The following ERG variants were observed in gnomAD, a reference collection of about 807,000 sequenced individuals.
ERG encodes transcriptional regulator ERG.
In ERG, 9 loss-of-function variants were observed where a neutral mutation model predicts 55.3. The observed-to-expected ratio is 0.16, with a 90% confidence interval of 0.10 to 0.28. The LOEUF is 0.28. Ranked by LOEUF, ERG falls within the 10% of genes least tolerant of loss-of-function variation. The pLI, the probability that ERG is intolerant of heterozygous loss-of-function variation, is 1.00. For synonymous variants in ERG, 223 were observed against 237.3 expected, an observed-to-expected ratio of 0.94 and a Z score of 0.55; for missense variants, 434 against 631.6, an observed-to-expected ratio of 0.69 and a Z score of 3.35.
chr21:38,392,256 G>A (rs1224937046), intron 7 of ERG, 120 bp downstream of exon 7: 1 of 854,492 alleles, frequency 1.2e-6, no homozygotes, highest in Non-Finnish European at 1.9e-6. Flanking sequence ...GTCGTCAATG[G>A]AACAAACCCA....
At chr21:38,557,591 A>G (rs1015150471) in intron 2 of ERG, among the ~76,000 whole-genome samples, 4 of 152,208 alleles carry the variant, frequency 2.6e-5, no homozygotes, top group African/African-American at 9.6e-5. Flanking sequence ...GTTTTTTTAA[A>G]AGGTTAAGTT....
chr21:38,367,726 C>A, the ERG span: 1 of 473,074 alleles, frequency 2.1e-6, no homozygotes, highest in East Asian at 4.8e-5. Flanking sequence ...TAGAACAAGA[C>A]AGAATTCTGC....
At chr21:38,653,171 G>T (rs2060498405) in intron 1 of ERG, among the ~76,000 whole-genome samples, 3 of 152,156 alleles carry the variant, frequency 2.0e-5, no homozygotes, top group Admixed American at 6.5e-5. Flanking sequence ...ATAGCATGCG[G>T]ATTCATCCTC....
chr21:38,474,887 G>A (rs1210016421), intron 1 of ERG, among the ~76,000 whole-genome samples: 2 of 152,116 alleles, frequency 1.3e-5, no homozygotes, highest in Non-Finnish European at 2.9e-5. Context: ...GACAATATAG[G>A]ACCTTCCTGA....
chr21:38,443,843 C>T (rs374797722), intron 2 of ERG, among the ~76,000 whole-genome samples: 34 of 151,820 alleles, frequency 2.2e-4, no homozygotes, highest in African/African-American at 5.8e-4. Context: ...GCATTTTCTA[C>T]CCAGGTCCTT....
intron 1 of ERG, among the ~76,000 whole-genome samples, chr21:38,595,044 C>T (rs758839727): frequency 1.3e-5 from 2 of 152,088 alleles, no homozygotes; most frequent in Non-Finnish European, 2.9e-5. Context: ...AGCAGGAGAG[C>T]CCGAGGCAAG....
At chr21:38,468,516 G>A (rs1158173125) in intron 1 of ERG, among the ~76,000 whole-genome samples, 1 of 152,092 alleles carries the variant, frequency 6.6e-6, no homozygotes, top group Non-Finnish European at 1.5e-5. Context: ...TGGAAGATCT[G>A]GATGCTCCAT....
upstream of ERG, among the ~76,000 whole-genome samples, chr21:38,588,331 A>C (rs1770845743): frequency 6.6e-6 from 1 of 151,344 alleles, no homozygotes; most frequent in South Asian, 2.1e-4. Flanking sequence ...CACCACCACC[A>C]CCCTCCAAGC....
chr21:38,413,413 C>T (rs1989145778), intron 3 of ERG, among the ~76,000 whole-genome samples: 1 of 152,076 alleles, frequency 6.6e-6, no homozygotes, highest in South Asian at 2.1e-4. Context: ...TTTAATGCAG[C>T]CATCATCCTA....
At chr21:38,419,295 G>A (rs1259873728) in intron 3 of ERG, among the ~76,000 whole-genome samples, 2 of 152,216 alleles carry the variant, frequency 1.3e-5, no homozygotes, top group African/African-American at 2.4e-5. Flanking sequence ...CTGGTTGAAT[G>A]CTTTGCTCAT....
At chr21:38,472,032 A>G (rs2059143770) in intron 1 of ERG, 1 of 152,172 alleles carries the variant, frequency 6.6e-6, no homozygotes, top group Non-Finnish European at 1.5e-5. Context: ...TTGATCGTAT[A>G]GCGTGTATGA....
chr21:38,507,325 C>T (rs1449522507), intron 2 of ERG, among the ~76,000 whole-genome samples: 1 of 152,212 alleles, frequency 6.6e-6, no homozygotes, highest in Non-Finnish European at 1.5e-5. Context: ...TGCTCGGTGA[C>T]CCCGATGCGT....
chr21:38,512,673 T>C (rs984236459), intron 2 of ERG, among the ~76,000 whole-genome samples: 2 of 152,216 alleles, frequency 1.3e-5, no homozygotes, highest in Non-Finnish European at 2.9e-5. Flanking sequence ...AATTTCAGTT[T>C]TGAGGTTTGG....
chr21:38,380,693 T>C lies in ERG; in HGVS notation c.*2710A>G. On this transcript the variant is annotated 3_prime_UTR_variant, in exon 10 of 10. Transcript: ENST00000288319. ...GAATTATGTATTTGAAGGAACTCAG[T>C]ATTATCATGTTATCCAAAATTATCC... is the stretch of plus-strand genomic sequence containing the variant. 9.4e-7 allele frequency: 1 copy of C among 1,064,916 alleles called. No individual in the cohort carries two copies. The highest frequency in any genetic ancestry group is 1.1e-6 in the Non-Finnish European group (1 of 879,050). 66.0% of individuals were successfully genotyped at this position (1,064,916 alleles called of 1,614,324 possible). A position where few individuals can be genotyped will look rare whatever the true frequency, so the allele number is the denominator to read the frequency against.
chr21:38,423,323 A>C, intron 3 of ERG, 87 bp downstream of exon 3: 1 of 1,390,220 alleles, frequency 7.2e-7, no homozygotes, highest in African/African-American at 1.4e-5. Context: ...TCAATGCCAC[A>C]GGTGGGGGAG....
At chr21:38,575,436 A>T (rs984774815) in intron 2 of ERG, among the ~76,000 whole-genome samples, 1 of 152,234 alleles carries the variant, frequency 6.6e-6, no homozygotes, top group Non-Finnish European at 1.5e-5. Flanking sequence ...GCTGTGTTCC[A>T]ATAAAGCTTT....
At chr21:38,376,794 C>T (rs970571689), downstream of ERG, among the ~76,000 whole-genome samples, 4 of 152,258 alleles carry the variant, frequency 2.6e-5, no homozygotes, top group African/African-American at 9.6e-5. Flanking sequence ...GCTGGGACTC[C>T]GTCCAGAAGA....
chr21:38,546,894 G>C (rs1381380771), intron 2 of ERG, among the ~76,000 whole-genome samples: 3 of 152,202 alleles, frequency 2.0e-5, no homozygotes, highest in Admixed American at 6.5e-5. Flanking sequence ...CTTAAGAACA[G>C]TGTTCAATTA....
chr21:38,544,531 T>A (rs1037716975), intron 2 of ERG, among the ~76,000 whole-genome samples: 3 of 152,124 alleles, frequency 2.0e-5, no homozygotes, highest in African/African-American at 7.2e-5. Context: ...AATACATAGT[T>A]AAAGGAAATG....
Sources: allele counts gnomAD v4.1 joint callset (sites outside exome capture counted in the v4.1 genomes callset), GRCh38; gene constraint gnomAD v4.1.1; transcripts MANE v1.5; gene names NCBI Gene and HGNC (gene_info 2026-07-23, HGNC 2026-07-21).